The following ZNF568 variants were observed in gnomAD, a reference collection of about 807,000 sequenced individuals.
The protein encoded by ZNF568 is zinc finger protein 568.
ZNF568 carries 11 observed loss-of-function variants against 18.1 expected under a neutral mutation model. The ratio of observed to expected loss-of-function variants is 0.61; its 90% CI spans 0.38 to 1.00. The LOEUF is 1.00. Ranked by LOEUF, ZNF568 falls within the 50% of genes least tolerant of loss-of-function variation. The pLI is 0.01. For synonymous variants in ZNF568, 213 were observed against 246.6 expected, an observed-to-expected ratio of 0.86 and a Z score of 1.28; for missense variants, 639 against 768.2, an observed-to-expected ratio of 0.83 and a Z score of 1.99.
At position 36,925,205 on chromosome 19, in the gene ZNF568, T is replaced by C; in HGVS notation, c.82T>C (p.Cys28Arg). Residue 28 changes from cysteine to arginine, a missense_variant, in exon 4 of 7, where the codon TGT becomes CGT. Transcript: ENST00000333987. The part of the protein sequence containing the change: ...LSHMMERKAW[C>R]SQESALSEEE... ...TTTCATTTCTCTTCCCTCAGCTTGG[T>C]GTTCTCAAGAGTCTGCCCTTTCCGA... The C allele has an allele frequency of 6.2e-7, 1 of 1,614,136 alleles. No individual in the cohort carries two copies. Among genetic ancestry groups the C allele is most frequent in the South Asian group, 1.1e-5 (1 of 91,082 alleles).
intron 2 of ZNF568, among the ~76,000 whole-genome samples, chr19:36,919,149 T>C (rs577164724): frequency 2.0e-5 from 3 of 152,354 alleles, no homozygotes; most frequent in African/African-American, 7.2e-5. Flanking sequence ...CATGTGGTAA[T>C]GTCTGTTTTT....
In ZNF568 at chr19:36,996,992, G is replaced by A. The variant is rs3848591; in HGVS notation, c.905G>A (p.Arg302His). The A allele has an allele frequency of 2.3e-4, 352 of 1,546,004 alleles. 2 individuals are homozygous for A. The African/African-American group carries it at 3.2e-3, about 14-fold the overall frequency. ...AAGGCGTGTGGGAAGGCCTTTACCCGTCCCTCACACCTTTTTCGACATCAA... is the reference window on the plus strand; with the variant it reads ...AAGGCGTGTGGGAAGGCCTTTACCCATCCCTCACACCTTTTTCGACATCAA... The change falls in exon 5 of 5, where the codon CGT becomes CAT. Residue 302 changes from arginine (R) to histidine (H), a missense_variant. By Grantham distance (29) the Arg-to-His change is conservative (BLOSUM62 0). Transcript: ENST00000433993.
rs2074022936 is a variant in ZNF568, at chr19:36,949,612, T to C, written c.459T>C (p.Ile153=). Residue 153 remains isoleucine (I), a synonymous_variant, in exon 7 of 7, where the codon ATT becomes ATC. Transcript: ENST00000333987. The part of the protein sequence containing the change: ...SKKILIKEKV[I]ECKKVAKIFP... ...AAATTCTGATAAAGGAAAAAGTCAT[T>C]GAATGTAAAAAAGTTGCGAAAATAT... is the stretch of plus-strand genomic sequence containing the variant. The C allele has an allele frequency of 1.2e-6, 2 of 1,613,596 alleles. No individual in the cohort carries two copies. The highest frequency in any genetic ancestry group is 1.7e-6 in the Non-Finnish European group (2 of 1,179,786).
At chr19:36,932,446 C>T (rs571116950) in intron 4 of ZNF568, among the ~76,000 whole-genome samples, 1 of 152,202 alleles carries the variant, frequency 6.6e-6, no homozygotes, top group East Asian at 1.9e-4. Flanking sequence ...AACAAGTAGC[C>T]GTGCCTGGTG....
intron 6 of ZNF568, among the ~76,000 whole-genome samples, chr19:36,938,142 A>G (rs1484226311): frequency 6.6e-6 from 1 of 152,188 alleles, no homozygotes. Flanking sequence ...TTTAATGCCA[A>G]TGTTTTCTGT....
At chr19:36,956,601 C>T (rs826312), downstream of ZNF568, among the ~76,000 whole-genome samples, 514 of 118,366 alleles carry the variant, frequency 4.3e-3, 3 homozygotes, top group African/African-American at 0.012. Context: ...TTAAAAAAAA[C>T]TTTTTTTTTT....
exon 5 of ZNF568, chr19:36,996,872 C>A (rs2074478191): frequency 3.9e-6 from 6 of 1,539,744 alleles, no homozygotes; most frequent in Non-Finnish European, 5.2e-6. Context: ...GGTGAGAAAC[C>A]CTATAAGTGT....
At chr19:36,965,892 G>A (rs902250940) in intron 6 of ZNF568, among the ~76,000 whole-genome samples, 2 of 151,636 alleles carry the variant, frequency 1.3e-5, no homozygotes, top group Non-Finnish European at 2.9e-5. Context: ...GTAGAGACAG[G>A]TTTCACCATG....
downstream of ZNF568, among the ~76,000 whole-genome samples, chr19:36,953,905 T>G (rs1289020227): frequency 6.7e-6 from 1 of 150,202 alleles, no homozygotes; most frequent in East Asian, 2.0e-4. Context: ...AGTAAGACCC[T>G]TTCTCAAAAA....
At chr19:36,963,545 A>G (rs984782805) in intron 6 of ZNF568, among the ~76,000 whole-genome samples, 9 of 152,178 alleles carry the variant, frequency 5.9e-5, no homozygotes, top group Non-Finnish European at 1.2e-4. Flanking sequence ...TGACAGCAAT[A>G]TGAACAGCGT....
chr19:36,992,457 G>A (rs145964839), intron 4 of ZNF568, among the ~76,000 whole-genome samples: 1,997 of 152,004 alleles, frequency 0.013, 52 homozygotes, highest in African/African-American at 0.046. Flanking sequence ...AGCCAAGATC[G>A]CGCCACTGCA....
intron 2 of ZNF568, among the ~76,000 whole-genome samples, chr19:36,987,851 T>TGTGTGTGTGTGTGTGTG (rs1568408488): frequency 3.2e-4 from 47 of 147,232 alleles, no homozygotes; most frequent in South Asian, 1.1e-3. Context: ...TGTGTGTGTG[T>TGTGTGTGTGTGTGTGTG]TGGGGTACCA....
At chr19:36,928,152 A>G (rs1009267259) in intron 4 of ZNF568, among the ~76,000 whole-genome samples, 1 of 151,152 alleles carries the variant, frequency 6.6e-6, no homozygotes, top group African/African-American at 2.4e-5. Flanking sequence ...TTCTGACCTC[A>G]AGTGATCCAC....
intron 6 of ZNF568, among the ~76,000 whole-genome samples, chr19:36,945,784 T>A (rs1468651034): frequency 6.6e-6 from 1 of 151,730 alleles, no homozygotes; most frequent in Non-Finnish European, 1.5e-5. Flanking sequence ...TGTGTTTTTT[T>A]AAATAGTGGA....
chr19:36,970,427 C>A (rs1446713161), intron 6 of ZNF568, among the ~76,000 whole-genome samples: 1 of 151,332 alleles, frequency 6.6e-6, no homozygotes, highest in Non-Finnish European at 1.5e-5. Flanking sequence ...CTCACTGCAA[C>A]CTCTGCCTCC....
intron 6 of ZNF568, among the ~76,000 whole-genome samples, chr19:36,968,723 CAA>C (rs990557222): frequency 3.3e-5 from 4 of 122,446 alleles, no homozygotes; most frequent in African/African-American, 3.0e-5. Context: ...CTCACTGCCT[CAA>C]AAAAAAAAAA....
downstream of ZNF568, among the ~76,000 whole-genome samples, chr19:36,954,312 A>G (rs989145125): frequency 1.3e-5 from 2 of 152,176 alleles, no homozygotes; most frequent in Non-Finnish European, 1.5e-5. Context: ...CATTAACTAC[A>G]TTTGTTTGAA....
At chr19:36,982,024 C>G (rs2074335788), downstream of ZNF568, among the ~76,000 whole-genome samples, 1 of 151,694 alleles carries the variant, frequency 6.6e-6, no homozygotes, top group Non-Finnish European at 1.5e-5. Context: ...CCTTGCTTAA[C>G]TCTTATTTAT....
rs201323633 is a variant in ZNF568 at position 36,951,288 on chromosome 19, G to GA, written c.*202dup. 0.01 allele frequency: 4,262 copies of GA among 419,564 alleles called. 43 individuals are homozygous for GA. Among genetic ancestry groups the GA allele is most frequent in the African/African-American group, 0.025 (1,197 of 48,808 alleles). 26.0% of individuals were successfully genotyped at this position (419,564 alleles called of 1,614,324 possible). On this transcript the variant is annotated 3_prime_UTR_variant, in exon 7 of 7. Transcript: ENST00000333987. The stretch of plus-strand genomic sequence containing the variant: ...CCTCAATTCTGAAAATCTATAGACT[G>GA]AATGCAGTTCCAAACAAAATCAACT...
Sources: gnomAD v4.1 joint callset for allele counts (sites outside exome capture counted in the v4.1 genomes callset) on GRCh38, gnomAD v4.1.1 for gene constraint, MANE v1.5 for transcripts, NCBI Gene and HGNC (gene_info 2026-07-23, HGNC 2026-07-21) for gene names.